Variants in NCEH1 observed in about 807,000 individuals in gnomAD.
NCEH1 encodes 2-acetyl MAGE hydrolase.
In NCEH1, 9 loss-of-function variants were observed where a neutral mutation model predicts 25.4. That is an observed-to-expected ratio of 0.35 (90% CI 0.21 to 0.62). NCEH1 has a LOEUF of 0.62. Among genes scored for constraint, NCEH1 ranks in the 20% least tolerant of loss-of-function variants. NCEH1 has a pLI of 0.72. For missense variants in NCEH1, 412 were observed against 501.1 expected (o/e 0.82, Z 1.70); for synonymous variants, 200 against 199.8 (o/e 1.00, Z -0.01).
At chr3:172,656,016 G>C (rs185253548) in intron 1 of NCEH1, among the ~76,000 whole-genome samples, 3 of 152,304 alleles carry the variant, frequency 2.0e-5, no homozygotes, top group African/African-American at 7.2e-5. Context: ...CAAGAAGGCA[G>C]GTTGTCAAAT....
chr3:172,702,054 T>C (rs1416427370), intron 1 of NCEH1, among the ~76,000 whole-genome samples: 1 of 152,186 alleles, frequency 6.6e-6, no homozygotes, highest in Non-Finnish European at 1.5e-5. Flanking sequence ...ACCCTTCTCT[T>C]CTCTGGTTTC....
chr3:172,662,558 A>G (rs1310741135), intron 1 of NCEH1, among the ~76,000 whole-genome samples: 1 of 152,192 alleles, frequency 6.6e-6, no homozygotes, highest in East Asian at 1.9e-4. Context: ...TCCTCTTTGT[A>G]CCTCTGGTAG....
chr3:172,637,105 T>A (rs1350732745), intron 3 of NCEH1, among the ~76,000 whole-genome samples: 1 of 152,210 alleles, frequency 6.6e-6, no homozygotes, highest in African/African-American at 2.4e-5. Flanking sequence ...ATGTTTTTCC[T>A]AAAGATTGTG....
chr3:172,644,746 T>C (rs890691751), intron 3 of NCEH1, among the ~76,000 whole-genome samples: 4 of 152,262 alleles, frequency 2.6e-5, no homozygotes, highest in Non-Finnish European at 4.4e-5. Flanking sequence ...GCCAGGGATG[T>C]TTCCAGGCAC....
At chr3:172,695,436 A>G (rs1713300575) in intron 1 of NCEH1, among the ~76,000 whole-genome samples, 1 of 152,240 alleles carries the variant, frequency 6.6e-6, no homozygotes. Flanking sequence ...GACAGTGACT[A>G]AGAGACGATT....
At position 172,632,549 on chromosome 3, in the gene NCEH1, T is replaced by C. The variant is rs1022488689; in HGVS notation, c.*926A>G. On this transcript the variant is annotated 3_prime_UTR_variant, in exon 5 of 5. Coordinates refer to ENST00000475381, the MANE Select transcript of NCEH1 (RefSeq NM_020792.6). ...CTTCTAAAGGTATTTTTAACAATTT[T>C]GAACTAATATTAAATGTATTTTCTT... 2 of 152,564 alleles carry C rather than the reference T, an allele frequency of 1.3e-5. No homozygotes were observed. 9.5% of individuals were successfully genotyped at this position (152,564 alleles called of 1,614,324 possible). A position where few individuals can be genotyped will look rare whatever the true frequency, so the allele number is the denominator to read the frequency against.
intron 3 of NCEH1, among the ~76,000 whole-genome samples, chr3:172,641,250 T>C (rs1197963582): frequency 6.6e-6 from 1 of 152,252 alleles, no homozygotes; most frequent in Non-Finnish European, 1.5e-5. Context: ...CACTGTAATG[T>C]ATTTAACAAA....
chr3:172,653,858 G>A (rs1717565707), intron 1 of NCEH1, among the ~76,000 whole-genome samples: 1 of 150,608 alleles, frequency 6.6e-6, no homozygotes, highest in Non-Finnish European at 1.5e-5. Context: ...CCTGGTTCAA[G>A]CGATTTTCCT....
At chr3:172,685,991 G>A (rs994522218) in intron 1 of NCEH1, among the ~76,000 whole-genome samples, 5 of 152,214 alleles carry the variant, frequency 3.3e-5, no homozygotes, top group Non-Finnish European at 7.3e-5. Context: ...AGAGTTCTGA[G>A]ATCTGTGATT....
At chr3:172,649,340 A>G (rs1717287519) in intron 1 of NCEH1, among the ~76,000 whole-genome samples, 1 of 152,258 alleles carries the variant, frequency 6.6e-6, no homozygotes, top group African/African-American at 2.4e-5. Flanking sequence ...ATGAAAAACA[A>G]GAACAAGAGG....
chr3:172,677,094 A>C (rs1279278155), intron 1 of NCEH1, among the ~76,000 whole-genome samples: 1 of 152,200 alleles, frequency 6.6e-6, no homozygotes, highest in Admixed American at 6.5e-5. Context: ...GACTAAAAGC[A>C]GCACAGAAGA....
chr3:172,653,264 T>G (rs1455057003), intron 1 of NCEH1, among the ~76,000 whole-genome samples: 1 of 152,130 alleles, frequency 6.6e-6, no homozygotes, highest in Non-Finnish European at 1.5e-5. Flanking sequence ...ACTGGCTCCC[T>G]ACCCAGGTCT....
intron 1 of NCEH1, among the ~76,000 whole-genome samples, chr3:172,678,471 C>T (rs1159862127): frequency 5.3e-5 from 8 of 152,294 alleles, no homozygotes; most frequent in South Asian, 2.1e-4. Context: ...GGATCCAAGA[C>T]GTTGGAACAA....
intron 1 of NCEH1, among the ~76,000 whole-genome samples, chr3:172,649,680 C>T (rs1439722814): frequency 6.6e-6 from 1 of 152,156 alleles, no homozygotes; most frequent in African/African-American, 2.4e-5. Flanking sequence ...TGAGATCTGC[C>T]AGGGAATAGC....
intron 1 of NCEH1, among the ~76,000 whole-genome samples, chr3:172,670,498 G>A (rs1431165667): frequency 7.9e-5 from 12 of 152,240 alleles, no homozygotes; most frequent in Non-Finnish European, 1.5e-4. Context: ...GAGGAAAGCT[G>A]GAGGGGCTAA....
chr3:172,703,916 G>T (rs1228015804), intron 1 of NCEH1, among the ~76,000 whole-genome samples: 1 of 152,138 alleles, frequency 6.6e-6, no homozygotes, highest in African/African-American at 2.4e-5. Flanking sequence ...AAAACCTTTT[G>T]CCTCCATATG....
chr3:172,653,763 T>TTG (rs1717552435), intron 1 of NCEH1, among the ~76,000 whole-genome samples: 4 of 97,856 alleles, frequency 4.1e-5, no homozygotes, highest in African/African-American at 8.1e-5. Context: ...TTTTTTTGTT[T>TTG]TTTTTTTTTT....
intron 1 of NCEH1, among the ~76,000 whole-genome samples, chr3:172,708,465 C>G (rs1420888940): frequency 6.6e-6 from 1 of 152,208 alleles, no homozygotes; most frequent in African/African-American, 2.4e-5. Flanking sequence ...AAGCGATTCT[C>G]CTGCCTCAGC....
At chr3:172,705,430 T>C (rs375477410) in intron 1 of NCEH1, among the ~76,000 whole-genome samples, 31 of 152,276 alleles carry the variant, frequency 2.0e-4, no homozygotes, top group East Asian at 9.7e-4. Context: ...TCATGTAACA[T>C]GGGATGTACA....
Sources: gnomAD v4.1 joint callset for allele counts (sites outside exome capture counted in the v4.1 genomes callset) on GRCh38, gnomAD v4.1.1 for gene constraint, MANE v1.5 for transcripts, NCBI Gene and HGNC (gene_info 2026-07-23, HGNC 2026-07-21) for gene names.